Variants in RUNX2 observed in about 807,000 individuals in gnomAD.
RUNX2 encodes the protein RUNX family transcription factor 2.
RUNX2 carries 10 observed loss-of-function variants against 51.7 expected under a neutral mutation model. That is an observed-to-expected ratio of 0.19 (90% CI 0.12 to 0.33). The LOEUF is 0.33. Among genes scored for constraint, RUNX2 ranks in the 10% least tolerant of loss-of-function variants. RUNX2 has a pLI of 1.00. For synonymous variants in RUNX2, 276 were observed against 273.6 expected, an observed-to-expected ratio of 1.01 and a Z score of -0.09; for missense variants, 562 against 691.3, an observed-to-expected ratio of 0.81 and a Z score of 2.10.
chr6:45,388,412 A>C (rs1326834138), intron 2 of RUNX2, among the ~76,000 whole-genome samples: 4 of 152,212 alleles, frequency 2.6e-5, no homozygotes, highest in African/African-American at 4.8e-5. Flanking sequence ...AGCATACAGC[A>C]GTGGCTTTAA....
intron 5 of RUNX2, among the ~76,000 whole-genome samples, chr6:45,468,657 A>G (rs776707770): frequency 2.0e-5 from 3 of 152,242 alleles, no homozygotes; most frequent in Non-Finnish European, 4.4e-5. Context: ...ATATTTAAGT[A>G]GAACTAGGTT....
chr6:45,473,481 G>A (rs1257702226), intron 5 of RUNX2, among the ~76,000 whole-genome samples: 2 of 152,182 alleles, frequency 1.3e-5, no homozygotes, highest in Non-Finnish European at 2.9e-5. Flanking sequence ...TTAACATGTG[G>A]TACTCAAAGG....
intron 5 of RUNX2, among the ~76,000 whole-genome samples, chr6:45,467,053 G>A (rs1360535647): frequency 1.3e-5 from 2 of 152,098 alleles, no homozygotes; most frequent in African/African-American, 4.8e-5. Flanking sequence ...CCTGCAGTCT[G>A]GCTTCTGCTC....
intron 2 of RUNX2, among the ~76,000 whole-genome samples, chr6:45,415,734 A>G (rs1304678382): frequency 6.6e-6 from 1 of 152,130 alleles, no homozygotes; most frequent in Non-Finnish European, 1.5e-5. Context: ...TTCCTCCTGC[A>G]ATGTCTTTCT....
intron 7 of RUNX2, among the ~76,000 whole-genome samples, chr6:45,526,007 T>C (rs1801667041): frequency 6.6e-6 from 1 of 151,686 alleles, no homozygotes; most frequent in African/African-American, 2.4e-5. Flanking sequence ...AAAAGAAAAC[T>C]AAATACCACC....
In RUNX2 at chr6:45,548,717, G is replaced by A. The variant is rs1301690199; in HGVS notation, c.*1412G>A. On this transcript the variant is annotated 3_prime_UTR_variant, in exon 9 of 9. Transcript: ENST00000647337. ...ATAGCAAAGACATAGTCAGCTAAAA[G>A]CCGCACATGTGGATAGAGGGTTCAA... is the stretch of plus-strand genomic sequence containing the variant. 1.3e-5 allele frequency: 2 copies of A among 159,528 alleles called. No homozygotes were observed. The highest frequency in any genetic ancestry group is 2.7e-5 in the Non-Finnish European group (2 of 72,898). 9.9% of individuals were successfully genotyped at this position (159,528 alleles called of 1,614,324 possible).
chr6:45,399,298 CTT>C (rs1209067728), intron 2 of RUNX2, among the ~76,000 whole-genome samples: 1 of 147,722 alleles, frequency 6.8e-6, no homozygotes, highest in Non-Finnish European at 1.5e-5. Flanking sequence ...CCCCCTTTCC[CTT>C]TTTTGTCTTC....
intron 2 of RUNX2, among the ~76,000 whole-genome samples, chr6:45,360,244 A>T (rs1047541780): frequency 1.3e-5 from 2 of 152,180 alleles, no homozygotes; most frequent in Admixed American, 1.3e-4. Context: ...CGTCTATAAA[A>T]GGGGAATAAT....
chr6:45,501,421 G>A (rs567080265), intron 6 of RUNX2, among the ~76,000 whole-genome samples: 2 of 152,226 alleles, frequency 1.3e-5, no homozygotes, highest in Admixed American at 1.3e-4. Flanking sequence ...GGGTTATTTT[G>A]TAGTTCTGAT....
chr6:45,449,317 G>A (rs1799090235), intron 5 of RUNX2, among the ~76,000 whole-genome samples: 1 of 152,212 alleles, frequency 6.6e-6, no homozygotes, highest in South Asian at 2.1e-4. Context: ...ATGAAGGGCA[G>A]CTTAAATACC....
chr6:45,492,546 C>T (rs754381213), intron 6 of RUNX2, among the ~76,000 whole-genome samples: 1 of 152,090 alleles, frequency 6.6e-6, no homozygotes, highest in Non-Finnish European at 1.5e-5. Context: ...TTGCCCAGGG[C>T]GAACAGGAAG....
At chr6:45,342,945 A>C (rs1330548865) in intron 2 of RUNX2, among the ~76,000 whole-genome samples, 1 of 152,182 alleles carries the variant, frequency 6.6e-6, no homozygotes, top group Non-Finnish European at 1.5e-5. Context: ...TGTTAAGTTT[A>C]AATTCCAGTT....
At chr6:45,387,447 C>G (rs1250731098) in intron 2 of RUNX2, among the ~76,000 whole-genome samples, 12 of 152,200 alleles carry the variant, frequency 7.9e-5, no homozygotes. Context: ...TAGATTCGGC[C>G]TAGAAACATT....
intron 7 of RUNX2, among the ~76,000 whole-genome samples, chr6:45,537,374 T>A (rs1436438832): frequency 2.0e-5 from 3 of 152,314 alleles, no homozygotes; most frequent in Middle Eastern, 3.4e-3. Context: ...GGGGAGACAG[T>A]GACAGCAAAG....
intron 7 of RUNX2, among the ~76,000 whole-genome samples, chr6:45,522,883 A>T (rs1801550731): frequency 6.6e-6 from 1 of 152,244 alleles, no homozygotes; most frequent in Non-Finnish European, 1.5e-5. Context: ...ATAGGAGACT[A>T]AGACAATTTC....
At chr6:45,336,004 T>C (rs1302698487) in intron 2 of RUNX2, among the ~76,000 whole-genome samples, 1 of 151,228 alleles carries the variant, frequency 6.6e-6, no homozygotes, top group African/African-American at 2.4e-5. Flanking sequence ...TCTAAAGAAA[T>C]GGAAATATAC....
intron 5 of RUNX2, among the ~76,000 whole-genome samples, chr6:45,451,393 G>T (rs1369036895): frequency 6.6e-6 from 1 of 152,246 alleles, no homozygotes; most frequent in Non-Finnish European, 1.5e-5. Context: ...TATGTATCAT[G>T]CAGTAAAGCC....
At chr6:45,423,571 TG>T (rs1049784646) in intron 3 of RUNX2, among the ~76,000 whole-genome samples, 10 of 151,972 alleles carry the variant, frequency 6.6e-5, no homozygotes, top group South Asian at 2.1e-4. Context: ...CCGGGATTCG[TG>T]GGGTGCCGGT....
In RUNX2 at chr6:45,422,771, G is replaced by T. The variant is rs1178858540; in HGVS notation, c.237G>T (p.Ala79=). 3 of 1,480,352 alleles carry T rather than the reference G, an allele frequency of 2.0e-6. No homozygotes were observed. The highest frequency in any genetic ancestry group is 2.7e-5 in the Admixed American group (1 of 37,466). The allele number at this position is 1,480,352 out of a possible 1,614,324, so 91.7% of individuals were successfully genotyped here. A position where few individuals can be genotyped will look rare whatever the true frequency, so the allele number is the denominator to read the frequency against. The change falls in exon 3 of 9, where the codon GCG becomes GCT. Residue 79 remains alanine (A), a synonymous_variant. Transcript: ENST00000647337. ...AGGAGGCGGCGGCGGCGGCTGCGGC[G>T]GCGGCGGCGGCTGCGGCGGCGGCAG... ...QQQEAAAAAA[A]AAAAAAAAAA...
Sources: allele counts gnomAD v4.1 joint callset (sites outside exome capture counted in the v4.1 genomes callset), GRCh38; gene constraint gnomAD v4.1.1; transcripts MANE v1.5; gene names NCBI Gene and HGNC (gene_info 2026-07-23, HGNC 2026-07-21).